C14orf93: variants seen among roughly 807,000 people sequenced by gnomAD.
The protein encoded by C14orf93 is chromosome 14 open reading frame 93, also known as uncharacterized protein C14orf93.
C14orf93 carries 23 observed loss-of-function variants against 44.0 expected under a neutral mutation model. The ratio of observed to expected loss-of-function variants is 0.52; its 90% CI spans 0.38 to 0.74. The LOEUF (loss-of-function observed/expected upper bound fraction) is 0.74. C14orf93 is among the 30% of genes least tolerant of loss of function. C14orf93 has a pLI of 0.00. For synonymous variants in C14orf93, 253 were observed against 265.7 expected (o/e 0.95, Z 0.46); for missense variants, 579 against 678.9 (o/e 0.85, Z 1.64).
At chr14:22,988,675 T>C (rs1254880589) in intron 5 of C14orf93, among the ~76,000 whole-genome samples, 1 of 151,892 alleles carries the variant, frequency 6.6e-6, no homozygotes, top group Non-Finnish European at 1.5e-5. Context: ...GGCTAATTGG[T>C]TTAGCTTTCT....
Position 22,998,947 on chromosome 14 carries a change from C to A in C14orf93, c.77G>T (p.Ser26Ile), listed in dbSNP as rs751181693. 6.2e-6 allele frequency: 10 copies of A among 1,613,856 alleles called. No homozygotes were observed. Among genetic ancestry groups the A allele is most frequent in the Admixed American group, 1.7e-5 (1 of 60,000 alleles). The change falls in exon 2 of 7, where the codon AGT (serine) becomes ATT (isoleucine). Residue 26 changes from serine (S) to isoleucine (I), a missense_variant. Transcript: ENST00000299088. ...GCCTGTGTTGCCTCCATTAGTCTCACTCTTACAGGCGCAGCAGCAGCATCT... is the reference window on the plus strand; with the variant it reads ...GCCTGTGTTGCCTCCATTAGTCTCAATCTTACAGGCGCAGCAGCAGCATCT... ...EARCCCCACK[S>I]ETNGGNTGSQ...
chr14:22,997,947 C>T (rs775101188), intron 2 of C14orf93, among the ~76,000 whole-genome samples: 13 of 151,908 alleles, frequency 8.6e-5, no homozygotes, highest in Admixed American at 1.3e-4. Context: ...CCTCCCTATA[C>T]TTGTCTTCTA....
chr14:23,006,856 C>G (rs1207058841), intron 1 of C14orf93: 1 of 152,340 alleles, frequency 6.6e-6, no homozygotes, highest in Non-Finnish European at 1.5e-5. Flanking sequence ...CTCTGGGAGT[C>G]CCGGGTAAAG....
Position 22,996,533 on chromosome 14 carries a change from G to T in C14orf93, c.598-265C>A, listed in dbSNP as rs1414228985. On this transcript the variant is annotated intron_variant, in intron 2 of 6. Coordinates refer to ENST00000299088, the MANE Select transcript of C14orf93 (RefSeq NM_021944.4). This position sits in a 1 kb window ranked among gnomAD's most constrained non-coding sequence, Gnocchi z 4.1. ...ATGTTTCTGACACTGTTGGTGAATA[G>T]TCATTTATGGATAGCTCTTGGATAT... 6.6e-6 allele frequency among the ~76,000 whole-genome samples: 1 copy of T among 152,216 alleles called. No homozygotes were observed. The highest frequency in any genetic ancestry group is 1.9e-4 in the East Asian group (1 of 5,204).
intron 1 of C14orf93, among the ~76,000 whole-genome samples, chr14:23,002,148 C>CAAAAA (rs74577400): frequency 4.8e-5 from 3 of 62,108 alleles, no homozygotes; most frequent in African/African-American, 1.6e-4. Context: ...GATTCCGTCT[C>CAAAAA]AAAAAAAAAA....
intron 3 of C14orf93, among the ~76,000 whole-genome samples, chr14:22,991,688 A>C (rs1046878499): frequency 4.0e-5 from 6 of 150,580 alleles, no homozygotes; most frequent in African/African-American, 1.5e-4. Context: ...CTCCTGCCTC[A>C]GCCTCCCGAG....
At chr14:23,000,270 G>A (rs1217212638) in intron 1 of C14orf93, among the ~76,000 whole-genome samples, 2 of 151,862 alleles carry the variant, frequency 1.3e-5, no homozygotes, top group African/African-American at 2.4e-5. Context: ...GAACACTCCC[G>A]GGAACTTAAT....
chr14:23,005,943 A>T (rs933749356), intron 1 of C14orf93: 1 of 152,094 alleles, frequency 6.6e-6, no homozygotes, highest in African/African-American at 2.4e-5. Flanking sequence ...TCTGAGTTTG[A>T]ATTTTCTGCA....
intron 3 of C14orf93, among the ~76,000 whole-genome samples, chr14:22,992,890 TTTA>T (rs2045745918): frequency 6.7e-6 from 1 of 149,974 alleles, no homozygotes; most frequent in Non-Finnish European, 1.5e-5. Flanking sequence ...GCTTTATTTA[TTTA>T]TTAAGAGACA....
Position 22,998,433 on chromosome 14 carries a change from G to A in C14orf93, c.591C>T (p.Leu197=), listed in dbSNP as rs1486231601. ...CCTCTGCTGCCATACTCACAGGATTGAGCAGGGGGGCCGCCTCGCTGGCAG... is the reference window on the plus strand; with the variant it reads ...CCTCTGCTGCCATACTCACAGGATTAAGCAGGGGGGCCGCCTCGCTGGCAG... ...TLAASEAAPL[L]NPLVDDYVAS... The change falls in exon 2 of 7, where the codon CTC becomes CTT. Residue 197 remains leucine (L), a synonymous_variant. Transcript: ENST00000299088. 5 of 1,569,046 alleles carry A rather than the reference G, an allele frequency of 3.2e-6. No individual in the cohort carries two copies. The highest frequency in any genetic ancestry group is 4.3e-6 in the Non-Finnish European group (5 of 1,155,720).
intron 3 of C14orf93, among the ~76,000 whole-genome samples, chr14:22,992,467 A>C (rs78458760): frequency 7.1e-6 from 1 of 140,276 alleles, no homozygotes; most frequent in Non-Finnish European, 1.5e-5. Context: ...CTCTGTTTCA[A>C]AAAAAAAAAA....
At chr14:22,988,613 C>G (rs1359774672) in intron 5 of C14orf93, among the ~76,000 whole-genome samples, 2 of 152,196 alleles carry the variant, frequency 1.3e-5, no homozygotes, top group Non-Finnish European at 2.9e-5. Flanking sequence ...AAGTGATCGT[C>G]CAGCCTCAGC....
rs542746856 is a variant in C14orf93, at chr14:23,001,964, C to T, written c.-379-2562G>A. On this transcript the variant is annotated intron_variant, in intron 1 of 6. Coordinates refer to ENST00000299088, the MANE Select transcript of C14orf93 (RefSeq NM_021944.4). The stretch of plus-strand genomic sequence containing the variant: ...GAGATGGAGACCATCCTGGCTAACA[C>T]AGTGAAACCCCGTCTCTACTAAAAA... Among the ~76,000 whole-genome samples the T allele has an allele frequency of 2.4e-3, 363 of 149,434 alleles. 1 individual carries two copies. Among genetic ancestry groups the T allele is most frequent in the African/African-American group, 8.5e-3 (344 of 40,642 alleles).
Position 22,998,463 on chromosome 14 carries a change from C to G in C14orf93, c.561G>C (p.Thr187=). ...GGGGGGCCGCCTCGCTGGCAGCCAGCGTGCACCCTGGGAGCCGCATGTCCC... is the reference window on the plus strand; with the variant it reads ...GGGGGGCCGCCTCGCTGGCAGCCAGGGTGCACCCTGGGAGCCGCATGTCCC... The part of the protein sequence containing the change: ...TQRDMRLPGC[T]LAASEAAPLL... The change falls in exon 2 of 7, where the codon ACG becomes ACC. Residue 187 remains threonine (T), a synonymous_variant. Transcript: ENST00000299088. The G allele has an allele frequency of 6.2e-7, 1 of 1,600,902 alleles. No individual in the cohort carries two copies. Among genetic ancestry groups the G allele is most frequent in the Non-Finnish European group, 8.5e-7 (1 of 1,173,154 alleles).
At position 22,987,234 on chromosome 14, in the gene C14orf93, T is replaced by C; in HGVS notation, c.1598A>G (p.Lys533Arg). The C allele has an allele frequency of 6.2e-7, 1 of 1,612,750 alleles. No individual in the cohort carries two copies. Among genetic ancestry groups the C allele is most frequent in the Non-Finnish European group, 8.5e-7 (1 of 1,178,918 alleles). The change falls in exon 7 of 7, where the codon AAG (lysine) becomes AGG (arginine). Residue 533 changes from lysine (K) to arginine (R), a missense_variant. Transcript: ENST00000299088. This position sits in a 1 kb window ranked among gnomAD's most constrained non-coding sequence, Gnocchi z 5.6. ...TAGATTTTATTCATCCTTTTCCACC[T>C]TGATTTCAATGAATGAGTTCAAGTC... ...CPDLNSFIEI[K>R]VEKDE is the part of the protein sequence containing the mutation.
At position 22,999,213 on chromosome 14, in the gene C14orf93, C is replaced by T; in HGVS notation, c.-190G>A. ...AGCACACAGTCCATGGCGGCCTCTC[C>T]TCGGCCTGCAGAAGGGAGACAGGTG... On this transcript the variant is annotated 5_prime_UTR_variant, in exon 2 of 7. Transcript: ENST00000299088. The T allele has an allele frequency of 1.2e-6, 1 of 845,686 alleles. No individual in the cohort carries two copies. The highest frequency in any genetic ancestry group is 1.7e-6 in the Non-Finnish European group (1 of 575,586). 52.4% of individuals were successfully genotyped at this position (845,686 alleles called of 1,614,324 possible). A position where few individuals can be genotyped will look rare whatever the true frequency, so the allele number is the denominator to read the frequency against.
At chr14:22,992,465 CAAA>C (rs58974559) in intron 3 of C14orf93, among the ~76,000 whole-genome samples, 1 of 71,122 alleles carries the variant, frequency 1.4e-5, no homozygotes. Flanking sequence ...GACTCTGTTT[CAAA>C]AAAAAAAAAA....
At chr14:23,009,882 AACGGTTGTAC>A (rs1440543405) in intron 1 of C14orf93, 1 of 152,208 alleles carries the variant, frequency 6.6e-6, no homozygotes, top group East Asian at 1.9e-4. Context: ...TTTGGCCGGA[AACGGTTGTAC>A]ACGGCCATCC....
In C14orf93 at chr14:22,987,345, T is replaced by C. The variant is rs369770761; in HGVS notation, c.1487A>G (p.Asn496Ser). The C allele has an allele frequency of 3.1e-6, 5 of 1,614,184 alleles. No individual in the cohort carries two copies. The highest frequency in any genetic ancestry group is 4.2e-6 in the Non-Finnish European group (5 of 1,180,020). ...TCCCTCATCTTCCTCTTCTTGGAAA[T>C]TAGGATTGTAAAGTTCTGGTGGAAG... Reference protein sequence around the residue: ...QLLPPELYNPNFQEEEDEGGD... With the variant: ...QLLPPELYNPSFQEEEDEGGD... Residue 496 changes from asparagine to serine, a missense_variant, in exon 7 of 7, where the codon AAT becomes AGT. Physicochemically the swap from Asn to Ser is conservative, Grantham distance 46. Transcript: ENST00000299088. This position sits in a 1 kb window ranked among gnomAD's most constrained non-coding sequence, Gnocchi z 5.6.
Sources: gnomAD v4.1 joint callset for allele counts (sites outside exome capture counted in the v4.1 genomes callset) on GRCh38, gnomAD v4.1.1 for gene constraint, Gnocchi (gnomAD v3.1) non-coding constraint, MANE v1.5 for transcripts, NCBI Gene and HGNC (gene_info 2026-07-23, HGNC 2026-07-21) for gene names.